GAB1: variants seen among roughly 807,000 people sequenced by gnomAD.
GAB1 encodes GRB2-associated-binding protein 1.
GAB1 carries 19 observed loss-of-function variants against 66.5 expected under a neutral mutation model. The observed-to-expected ratio is 0.29, with a 90% confidence interval of 0.20 to 0.42. GAB1 has a LOEUF of 0.42. Among genes scored for constraint, GAB1 ranks in the 10% least tolerant of loss-of-function variants. The pLI is 1.00. For synonymous variants in GAB1, 294 were observed against 301.4 expected (o/e 0.98, Z 0.25); for missense variants, 732 against 858.5 (o/e 0.85, Z 1.84).
At chr4:143,405,140 G>A (rs1394015129) in intron 1 of GAB1, among the ~76,000 whole-genome samples, 1 of 152,054 alleles carries the variant, frequency 6.6e-6, no homozygotes, top group East Asian at 1.9e-4. Context: ...ATGCCATTTT[G>A]TTCTTATTCT....
At chr4:143,409,369 A>G (rs758510712) in intron 1 of GAB1, among the ~76,000 whole-genome samples, 5 of 151,504 alleles carry the variant, frequency 3.3e-5, no homozygotes, top group Non-Finnish European at 7.4e-5. Flanking sequence ...TTGGACTTCA[A>G]TAACAACTTT....
chr4:143,469,288 A>C lies in GAB1; in HGVS notation c.*99A>C. ...ACACTTCCACTCTAGGTAGATCCTC[A>C]AATGAGTAGAGTTGAAGTCAAAGGA... On this transcript the variant is annotated 3_prime_UTR_variant, in exon 10 of 10. Coordinates refer to ENST00000262994, the MANE Select transcript of GAB1 (RefSeq NM_002039.4). The C allele has an allele frequency of 9.7e-6, 12 of 1,234,180 alleles. No homozygotes were observed. The highest frequency in any genetic ancestry group is 1.3e-5 in the Non-Finnish European group (12 of 890,332). The allele number at this position is 1,234,180 out of a possible 1,614,324, so 76.5% of individuals were successfully genotyped here.
chr4:143,439,767 G>A (rs762879287), intron 4 of GAB1, 35 bp from the exon 5 acceptor site: 17 of 1,459,576 alleles, frequency 1.2e-5, no homozygotes, highest in Non-Finnish European at 1.6e-5. Flanking sequence ...TGGCAAAGAT[G>A]GGAATAAATG....
At chr4:143,402,602 T>C (rs1270651222) in intron 1 of GAB1, among the ~76,000 whole-genome samples, 3 of 152,174 alleles carry the variant, frequency 2.0e-5, no homozygotes, top group Non-Finnish European at 4.4e-5. Context: ...TCAGGTCCCA[T>C]CACAAAGGGT....
chr4:143,359,129 A>T (rs1181604725), intron 1 of GAB1, among the ~76,000 whole-genome samples: 2 of 152,184 alleles, frequency 1.3e-5, no homozygotes, highest in South Asian at 4.1e-4. Flanking sequence ...TTAAGGAGTG[A>T]TGTCGTAAAG....
At chr4:143,467,393 C>T (rs555990014) in intron 9 of GAB1, among the ~76,000 whole-genome samples, 34 of 152,234 alleles carry the variant, frequency 2.2e-4, no homozygotes, top group African/African-American at 8.2e-4. Context: ...AGAAGTGCTG[C>T]CTTCTTTTTG....
chr4:143,420,738 C>G (rs1313528486), intron 2 of GAB1, among the ~76,000 whole-genome samples: 1 of 151,992 alleles, frequency 6.6e-6, no homozygotes, highest in Non-Finnish European at 1.5e-5. Context: ...AGTTGCTTTT[C>G]TCAAAATGCC....
At chr4:143,415,391 T>A (rs1414030268) in intron 1 of GAB1, 86 bp from the exon 2 acceptor site, 1 of 1,047,130 alleles carries the variant, frequency 9.5e-7, no homozygotes, top group African/African-American at 1.6e-5. Context: ...AACAATGCAT[T>A]TGTAAAATCA....
At chr4:143,461,910 T>A (rs1271806038) in intron 8 of GAB1, among the ~76,000 whole-genome samples, 1 of 152,176 alleles carries the variant, frequency 6.6e-6, no homozygotes, top group Non-Finnish European at 1.5e-5. Flanking sequence ...GAAACATAAT[T>A]CAGTGATATG....
intron 1 of GAB1, among the ~76,000 whole-genome samples, chr4:143,397,566 T>G (rs996974363): frequency 8.5e-5 from 13 of 152,242 alleles, no homozygotes; most frequent in African/African-American, 3.1e-4. Context: ...TTAAGGATTA[T>G]ATCATAATGT....
chr4:143,403,612 C>T (rs1027190443), intron 1 of GAB1, among the ~76,000 whole-genome samples: 1 of 152,206 alleles, frequency 6.6e-6, no homozygotes, highest in East Asian at 1.9e-4. Context: ...GGGTGACACC[C>T]GTAGCCCTCA....
At chr4:143,424,376 A>G (rs1195668554) in intron 2 of GAB1, among the ~76,000 whole-genome samples, 1 of 152,136 alleles carries the variant, frequency 6.6e-6, no homozygotes, top group Admixed American at 6.5e-5. Flanking sequence ...AATACTGTAT[A>G]TATTTTTCTT....
chr4:143,466,099 T>G lies in GAB1; in HGVS notation c.1804-4T>G. ...CCGTTGATTTTGTTGTCTAATACTTTCAGAATCTCTTTGGCAGTAACAGTC... is the reference window on the plus strand; with the variant it reads ...CCGTTGATTTTGTTGTCTAATACTTGCAGAATCTCTTTGGCAGTAACAGTC... On this transcript the variant is annotated splice_polypyrimidine_tract_variant and splice_region_variant and intron_variant, in intron 8 of 9. Transcript: ENST00000262994. 1 of 1,613,374 alleles carries G rather than the reference T, an allele frequency of 6.2e-7. No individual in the cohort carries two copies.
chr4:143,428,236 T>G (rs1358416743), intron 2 of GAB1, among the ~76,000 whole-genome samples: 1 of 152,214 alleles, frequency 6.6e-6, no homozygotes, highest in African/African-American at 2.4e-5. Context: ...AGATCTAGTT[T>G]TATTTCCTAG....
At chr4:143,443,276 A>G (rs1734339204) in intron 6 of GAB1, among the ~76,000 whole-genome samples, 1 of 152,138 alleles carries the variant, frequency 6.6e-6, no homozygotes, top group East Asian at 1.9e-4. Flanking sequence ...TCGGCCTTCC[A>G]AAGTGCTGGG....
chr4:143,356,812 C>T (rs764562143), intron 1 of GAB1, among the ~76,000 whole-genome samples: 3 of 152,088 alleles, frequency 2.0e-5, no homozygotes, highest in Non-Finnish European at 4.4e-5. Flanking sequence ...GGGGTTTCTG[C>T]GAGGAGTGCA....
intron 1 of GAB1, among the ~76,000 whole-genome samples, chr4:143,408,589 A>G (rs1732192748): frequency 6.6e-6 from 1 of 152,142 alleles, no homozygotes; most frequent in Non-Finnish European, 1.5e-5. Context: ...ATATATATCC[A>G]TGTCACTTTT....
At chr4:143,340,268 A>G (rs1728784562) in intron 1 of GAB1, among the ~76,000 whole-genome samples, 1 of 152,130 alleles carries the variant, frequency 6.6e-6, no homozygotes, top group Admixed American at 6.6e-5. Flanking sequence ...CAGTAGGCAA[A>G]ATGTTTGTGG....
intron 2 of GAB1, among the ~76,000 whole-genome samples, chr4:143,418,326 C>T (rs774630838): frequency 3.9e-5 from 6 of 152,194 alleles, no homozygotes; most frequent in Non-Finnish European, 7.3e-5. Context: ...CTACTTCTAA[C>T]TTCAGTTAAA....
Sources: allele counts gnomAD v4.1 joint callset (sites outside exome capture counted in the v4.1 genomes callset), GRCh38; gene constraint gnomAD v4.1.1; transcripts MANE v1.5; gene names NCBI Gene and HGNC (gene_info 2026-07-23, HGNC 2026-07-21).